Variants in TRIM68 observed in about 807,000 individuals in gnomAD.
The protein encoded by TRIM68 is E3 ubiquitin-protein ligase TRIM68.
Under a neutral mutation model 41.9 loss-of-function variants are expected in TRIM68, and 36 were observed. The ratio of observed to expected loss-of-function variants is 0.86; its 90% CI spans 0.66 to 1.14. The LOEUF (loss-of-function observed/expected upper bound fraction) is 1.14, where lower values mean the gene tolerates loss of function less well. TRIM68 is among the 50% of genes most tolerant of loss of function. The probability of loss-of-function intolerance (pLI) is 0.00; values close to 1 mark genes in which losing one functional copy is unlikely to be tolerated. For missense variants in TRIM68, 632 were observed against 605.1 expected, an observed-to-expected ratio of 1.04 and a Z score of -0.47; for synonymous variants, 225 against 224.6, an observed-to-expected ratio of 1.00 and a Z score of -0.02.
intron 3 of TRIM68, among the ~76,000 whole-genome samples, chr11:4,602,770 T>A (rs185193434): frequency 1.2e-3 from 179 of 152,378 alleles, no homozygotes; most frequent in African/African-American, 4.1e-3. Context: ...TGATATTATA[T>A]CTGTTCAACA....
At position 4,603,250 on chromosome 11, in the gene TRIM68, A is replaced by G; in HGVS notation, c.517T>C (p.Trp173Arg). The G allele has an allele frequency of 6.2e-7, 1 of 1,614,228 alleles. No homozygotes were observed. The highest frequency in any genetic ancestry group is 8.5e-7 in the Non-Finnish European group (1 of 1,180,022). ...TTCCCCACGAGGCAACCTGCCTTCC[A>G]GGTGGCAGTTCGTTTCCTTTCACCA... ...EVGERKRTAT[W>R]KIQVETRKQS... Residue 173 changes from tryptophan (W) to arginine (R), a missense_variant, in exon 3 of 7, where the codon TGG becomes CGG. Coordinates refer to ENST00000300747, the MANE Select transcript of TRIM68 (RefSeq NM_018073.8).
intron 2 of TRIM68, among the ~76,000 whole-genome samples, chr11:4,604,142 A>G (rs1370161744): frequency 6.6e-6 from 1 of 152,142 alleles, no homozygotes; most frequent in African/African-American, 2.4e-5. Context: ...CCCTTTTCTA[A>G]TAGTCTCAAA....
Position 4,600,321 on chromosome 11 carries a change from G to A in TRIM68, c.1413C>T (p.Asn471=), listed in dbSNP as rs1846462605. 6.2e-7 allele frequency: 1 copy of A among 1,607,812 alleles called. No individual in the cohort carries two copies. The highest frequency in any genetic ancestry group is 1.1e-5 in the South Asian group (1 of 90,038). The change falls in exon 7 of 7, where the codon AAC becomes AAT. Residue 471 remains asparagine (N), a synonymous_variant. Transcript: ENST00000300747. ...AGCAGATGGCCAGAGGAGCAGTGTT[G>A]TTGGTTCCAATGCTGTAGCAAGGAC... ...YFSPCYSIGT[N]NTAPLAICSL...
chr11:4,604,729 C>T (rs117877803), intron 2 of TRIM68, among the ~76,000 whole-genome samples: 5,335 of 152,280 alleles, frequency 0.035, 147 homozygotes, highest in Middle Eastern at 0.068. Context: ...TCAGGTGTAG[C>T]CTTGACCATC....
intron 1 of TRIM68, among the ~76,000 whole-genome samples, chr11:4,606,893 T>C (rs1338374336): frequency 6.6e-6 from 1 of 152,224 alleles, no homozygotes; most frequent in Non-Finnish European, 1.5e-5. Flanking sequence ...AGGACTCTGA[T>C]ATGCCATTGG....
chr11:4,604,607 T>C (rs1410597273), intron 2 of TRIM68, among the ~76,000 whole-genome samples: 1 of 152,168 alleles, frequency 6.6e-6, no homozygotes, highest in Non-Finnish European at 1.5e-5. Context: ...CTAAAATAAA[T>C]TGCCATGTTT....
Position 4,600,889 on chromosome 11 carries a change from T to A in TRIM68, c.908-63A>T. ...GGCCAGGGGACATGGGTGAGAGCCC[T>A]CTGATAAATTCAGCCACAGATTTCT... On this transcript the variant is annotated intron_variant, in intron 6 of 6. Transcript: ENST00000300747. 7 of 1,576,694 alleles carry A rather than the reference T, an allele frequency of 4.4e-6. No homozygotes were observed. The South Asian group carries it at 8.1e-5, about 18-fold the overall frequency.
chr11:4,601,724 G>A (rs757265816), intron 4 of TRIM68, 38 bp from the exon 5 acceptor site: 5 of 1,613,086 alleles, frequency 3.1e-6, no homozygotes, highest in East Asian at 2.2e-5. Flanking sequence ...CTGAGTAAGT[G>A]CTATTCCTCA....
In TRIM68 at chr11:4,598,752, T is replaced by C. The variant is rs550423912; in HGVS notation, c.*1524A>G. On this transcript the variant is annotated 3_prime_UTR_variant, in exon 7 of 7. Coordinates refer to ENST00000300747, the MANE Select transcript of TRIM68 (RefSeq NM_018073.8). ...ACATGAACAGCCAATACAATTAAAG[T>C]AGAAACACAATTTTTAATATTCCTT... 11 of 152,220 alleles carry C rather than the reference T, an allele frequency of 7.2e-5. No individual in the cohort carries two copies. Among genetic ancestry groups the C allele is most frequent in the Non-Finnish European group, 1.5e-4 (10 of 68,052 alleles). The allele number at this position is 152,220 out of a possible 1,614,324, so 9.4% of individuals were successfully genotyped here.
In TRIM68 at chr11:4,598,804, G is replaced by C. The variant is rs917843731; in HGVS notation, c.*1472C>G. 1.3e-5 allele frequency: 2 copies of C among 152,186 alleles called. No homozygotes were observed. Among genetic ancestry groups the C allele is most frequent in the Non-Finnish European group, 2.9e-5 (2 of 68,040 alleles). The allele number at this position is 152,186 out of a possible 1,614,324, so 9.4% of individuals were successfully genotyped here. A position where few individuals can be genotyped will look rare whatever the true frequency, so the allele number is the denominator to read the frequency against. ...TCACAGCCATTTGAAGCTCCTTTCT[G>C]CCCAAAAGGTCTAGACTGCCAGCAG... On this transcript the variant is annotated 3_prime_UTR_variant, in exon 7 of 7. Coordinates refer to ENST00000300747, the MANE Select transcript of TRIM68 (RefSeq NM_018073.8).
At chr11:4,607,683 T>C (rs1028615869) in intron 1 of TRIM68, among the ~76,000 whole-genome samples, 1 of 152,256 alleles carries the variant, frequency 6.6e-6, no homozygotes, top group Non-Finnish European at 1.5e-5. Context: ...GATGGGTAGT[T>C]ACTGCTCTTC....
chr11:4,601,152 G>A, intron 5 of TRIM68, 25 bp from the exon 6 acceptor site: 1 of 1,587,010 alleles, frequency 6.3e-7, no homozygotes, highest in East Asian at 2.2e-5. Context: ...TGAACCTCAG[G>A]GCCAGGAGTC....
Position 4,600,311 on chromosome 11 carries a change from G to A in TRIM68, c.1423C>T (p.Pro475Ser), listed in dbSNP as rs867702596. The change falls in exon 7 of 7, where the codon CCT becomes TCT. Residue 475 changes from proline (P) to serine (S), a missense_variant. Coordinates refer to ENST00000300747, the MANE Select transcript of TRIM68 (RefSeq NM_018073.8). ...CYSIGTNNTA[P>S]LAICSLDGED ...CCATCCAGGGAGCAGATGGCCAGAG[G>A]AGCAGTGTTGTTGGTTCCAATGCTG... 3 of 1,601,678 alleles carry A rather than the reference G, an allele frequency of 1.9e-6. No homozygotes were observed. The highest frequency in any genetic ancestry group is 1.3e-5 in the African/African-American group (1 of 74,670).
chr11:4,605,398 C>T lies in TRIM68; in HGVS notation c.107G>A (p.Cys36Tyr), dbSNP rs1384671369. 1 of 1,614,076 alleles carries T rather than the reference C, an allele frequency of 6.2e-7. No homozygotes were observed. The highest frequency in any genetic ancestry group is 2.2e-5 in the East Asian group (1 of 44,890). ...PMSIDCGHSF[C>Y]HSCLSGLWEI... ...CCAGAGTCCAGAGAGACAGCTGTGG[C>T]AGAAGCTGTGGCCACAGTCAATGCT... Residue 36 changes from cysteine (C) to tyrosine (Y), a missense_variant, in exon 2 of 7, where the codon TGC (cysteine) becomes TAC (tyrosine). By Grantham distance (194) the Cys-to-Tyr change is radical (BLOSUM62 -2). Coordinates refer to ENST00000300747, the MANE Select transcript of TRIM68 (RefSeq NM_018073.8).
rs1846457504 is a variant in TRIM68, at chr11:4,600,099, A to G, written c.*177T>C. 1.5e-5 allele frequency: 9 copies of G among 610,134 alleles called. No homozygotes were observed. Among genetic ancestry groups the G allele is most frequent in the Non-Finnish European group, 2.4e-5 (9 of 367,852 alleles). The allele number at this position is 610,134 out of a possible 1,614,324, so 37.8% of individuals were successfully genotyped here. ...TTTGACTGGGCCTCTGCTTTTTAAA[A>G]TAAGTGGTTTCATGACAGACTTCAG... On this transcript the variant is annotated 3_prime_UTR_variant, in exon 7 of 7. Transcript: ENST00000300747.
In TRIM68 at chr11:4,605,189, TC is replaced by T; in HGVS notation, c.315del (p.Lys106ArgfsTer9). 1 of 1,614,226 alleles carries T rather than the reference TC, an allele frequency of 6.2e-7. No individual in the cohort carries two copies. Among genetic ancestry groups the T allele is most frequent in the Non-Finnish European group, 8.5e-7 (1 of 1,180,038 alleles). On this transcript the variant is annotated frameshift_variant, in exon 2 of 7. Coordinates refer to ENST00000300747, the MANE Select transcript of TRIM68 (RefSeq NM_018073.8). LOFTEE classifies it high-confidence loss of function. ...GDLCERHGEKLKMFCKEDVLI... is the reference protein window; with the variant it reads ...GDLCERHGEKXKMFCKEDVLI... ...AAGACATCCTCTTTGCAGAACATCT[TC>T]AGCTTTTCCCCATGGCGCTCACACA...
At chr11:4,607,438 T>C (rs1187142797) in intron 1 of TRIM68, among the ~76,000 whole-genome samples, 1 of 152,168 alleles carries the variant, frequency 6.6e-6, no homozygotes, top group Non-Finnish European at 1.5e-5. Flanking sequence ...AGAGACACCA[T>C]CTAAAGTCAA....
rs760662214 is a variant in TRIM68, at chr11:4,602,276, G to C, written c.659C>G (p.Ala220Gly). Residue 220 changes from alanine (A) to glycine (G), a missense_variant, in exon 4 of 7, where the codon GCA becomes GGA. Physicochemically the swap from Ala to Gly is moderately conservative, Grantham distance 60 (BLOSUM62 0). Transcript: ENST00000300747. The part of the protein sequence containing the change: ...AAALASLQRE[A>G]AETMQKLELN... ...CTCCAGTTTCTGCATGGTCTCCGCTGCCTCCCGCTGTAGGCTGGCCAGAGC... is the reference window on the plus strand; with the variant it reads ...CTCCAGTTTCTGCATGGTCTCCGCTCCCTCCCGCTGTAGGCTGGCCAGAGC... 1.9e-6 allele frequency: 3 copies of C among 1,614,188 alleles called. No homozygotes were observed. The East Asian group carries it at 6.7e-5, about 36-fold the overall frequency.
intron 4 of TRIM68, 198 bp downstream of exon 4, chr11:4,601,954 C>T: frequency 2.4e-6 from 2 of 827,278 alleles, no homozygotes; most frequent in Non-Finnish European, 3.8e-6. Flanking sequence ...CACTGCCCCA[C>T]CTATGATGCT....
Sources: allele counts gnomAD v4.1 joint callset (sites outside exome capture counted in the v4.1 genomes callset), GRCh38; gene constraint gnomAD v4.1.1; transcripts MANE v1.5; gene names NCBI Gene and HGNC (gene_info 2026-07-23, HGNC 2026-07-21).